The following SEMA5B variants were observed in gnomAD, a reference collection of about 807,000 sequenced individuals.
The protein encoded by SEMA5B is semaphorin-5B.
A neutral mutation model predicts 135.0 loss-of-function variants in SEMA5B; 66 were observed. The observed-to-expected ratio is 0.49, with a 90% CI of 0.40 to 0.60. The LOEUF (loss-of-function observed/expected upper bound fraction) is 0.60, where lower values mean the gene tolerates loss of function less well. Among genes scored for constraint, SEMA5B ranks in the 20% least tolerant of loss-of-function variants. The probability of loss-of-function intolerance (pLI) is 0.00; values close to 1 mark genes in which losing one functional copy is unlikely to be tolerated. For synonymous variants in SEMA5B, 690 were observed against 639.5 expected (o/e 1.08, Z -1.19); for missense variants, 1,501 against 1,566.3 (o/e 0.96, Z 0.70).
intron 2 of SEMA5B, among the ~76,000 whole-genome samples, chr3:122,959,540 TACAA>T (rs1940483178): frequency 1.3e-5 from 2 of 152,008 alleles, no homozygotes; most frequent in African/African-American, 4.8e-5. Flanking sequence ...GTCTTGCTCC[TACAA>T]ACAGAGTAAG....
intron 1 of SEMA5B, among the ~76,000 whole-genome samples, chr3:122,983,767 T>C (rs1365458553): frequency 7.4e-6 from 1 of 135,496 alleles, no homozygotes; most frequent in African/African-American, 2.7e-5. Context: ...GATTGGAGGC[T>C]ACTGATGTTT....
chr3:122,936,481 C>T, intron 5 of SEMA5B, among the ~76,000 whole-genome samples: 1 of 152,108 alleles, frequency 6.6e-6, no homozygotes, highest in Non-Finnish European at 1.5e-5. Context: ...CGAACAAAGC[C>T]CCATTATGCG....
rs182004930 is a variant in SEMA5B, at chr3:123,002,967, T to C, written c.-39+24497A>G. On this transcript the variant is annotated intron_variant, in intron 1 of 22. Transcript: ENST00000357599. The stretch of plus-strand genomic sequence containing the variant: ...TGGGAAGCACTACAAAAAAAATTAC[T>C]AGCATCCATAGTGTGTCATATGTCT... 5.2e-3 allele frequency among the ~76,000 whole-genome samples: 794 copies of C among 152,258 alleles called. 8 individuals carry two copies. The highest frequency in any genetic ancestry group is 0.018 in the African/African-American group (756 of 41,556).
Position 123,024,498 on chromosome 3 carries a change from G to A in SEMA5B, c.-39+2966C>T, listed in dbSNP as rs113840722. 8.5e-3 allele frequency among the ~76,000 whole-genome samples: 1,302 copies of A among 152,324 alleles called. 16 individuals are homozygous for A. The highest frequency in any genetic ancestry group is 0.029 in the African/African-American group (1,199 of 41,568). ...TTGGTTTACACCCACTGGATTCCCA[G>A]TGGGAATGGGGACAGGAGATCTGAA... On this transcript the variant is annotated intron_variant, in intron 1 of 22. Transcript: ENST00000357599.
chr3:122,955,398 A>C (rs1271934599), intron 2 of SEMA5B, among the ~76,000 whole-genome samples: 1 of 152,242 alleles, frequency 6.6e-6, no homozygotes. Flanking sequence ...TGCTATTATT[A>C]TTAGCGAATA....
chr3:122,947,902 T>C (rs1440033460), intron 3 of SEMA5B, among the ~76,000 whole-genome samples: 2 of 116,812 alleles, frequency 1.7e-5, no homozygotes, highest in Non-Finnish European at 3.7e-5. Flanking sequence ...TTTTGTTTTG[T>C]TTTTTTTTAG....
intron 1 of SEMA5B, among the ~76,000 whole-genome samples, chr3:123,016,960 C>G (rs76191855): frequency 6.8e-5 from 10 of 146,666 alleles, no homozygotes; most frequent in South Asian, 2.2e-4. Flanking sequence ...GGCGCGATCT[C>G]GGCTCACTGC....
At chr3:122,963,045 G>A (rs1940655726) in intron 1 of SEMA5B, among the ~76,000 whole-genome samples, 1 of 152,180 alleles carries the variant, frequency 6.6e-6, no homozygotes, top group Non-Finnish European at 1.5e-5. Flanking sequence ...AGTCGTATGT[G>A]TGTCTGTGTT....
intron 1 of SEMA5B, among the ~76,000 whole-genome samples, chr3:122,969,357 T>A (rs1941015061): frequency 6.6e-6 from 1 of 152,196 alleles, no homozygotes; most frequent in South Asian, 2.1e-4. Flanking sequence ...CTCTCCTGGC[T>A]GTGGGGGCAC....
intron 2 of SEMA5B, among the ~76,000 whole-genome samples, chr3:122,953,799 A>G (rs1200121407): frequency 4.6e-5 from 7 of 151,806 alleles, no homozygotes; most frequent in Non-Finnish European, 1.0e-4. Context: ...TGACTTCCCA[A>G]CTCCCAAGAA....
At chr3:122,918,924 G>A (rs537621343) in intron 12 of SEMA5B, among the ~76,000 whole-genome samples, 1 of 151,314 alleles carries the variant, frequency 6.6e-6, no homozygotes, top group African/African-American at 2.4e-5. Flanking sequence ...GTCTCTGACT[G>A]TGGAAATGGG....
At chr3:122,935,195 G>A (rs1227540384) in intron 5 of SEMA5B, among the ~76,000 whole-genome samples, 1 of 152,192 alleles carries the variant, frequency 6.6e-6, no homozygotes, top group Non-Finnish European at 1.5e-5. Context: ...CTTGTAGGGT[G>A]CTGGGTGAGG....
chr3:122,997,518 TC>T (rs1553785271), intron 1 of SEMA5B, among the ~76,000 whole-genome samples: 48 of 142,872 alleles, frequency 3.4e-4, no homozygotes, highest in South Asian at 1.9e-3. Context: ...CCCAGGCCTC[TC>T]CCCCCCCCGT....
At chr3:122,982,571 A>G (rs1941552518) in intron 1 of SEMA5B, among the ~76,000 whole-genome samples, 1 of 152,184 alleles carries the variant, frequency 6.6e-6, no homozygotes, top group South Asian at 2.1e-4. Flanking sequence ...AAAAGCATTC[A>G]ACAGCCAACT....
intron 1 of SEMA5B, among the ~76,000 whole-genome samples, chr3:123,003,849 TA>T: frequency 1.3e-5 from 2 of 151,792 alleles, no homozygotes. Context: ...AATAAATAAA[TA>T]AATAAATAAT....
At position 122,915,529 on chromosome 3, in the gene SEMA5B, C is replaced by T. The variant is rs776595997; in HGVS notation, c.1899G>A (p.Leu633=). The change falls in exon 14 of 23, where the codon CTG becomes CTA. Residue 633 remains leucine (L), a synonymous_variant. Transcript: ENST00000357599. ...HLDGDNSGSC[L]CRARSCDSPR... ...GGGAATCACAGGATCGAGCTCGACA[C>T]AGGCAAGAGCCTGAGTTGTCCCCAT... 4 of 1,614,126 alleles carry T rather than the reference C, an allele frequency of 2.5e-6. No homozygotes were observed. The highest frequency in any genetic ancestry group is 2.2e-5 in the South Asian group (2 of 91,076).
intron 1 of SEMA5B, among the ~76,000 whole-genome samples, chr3:123,019,763 G>A (rs905262383): frequency 6.6e-6 from 1 of 152,178 alleles, no homozygotes; most frequent in Non-Finnish European, 1.5e-5. Flanking sequence ...GGGGCTGGAG[G>A]TACGAAGATG....
At chr3:122,928,344 C>T (rs1938757912) in intron 7 of SEMA5B, among the ~76,000 whole-genome samples, 173 bp downstream of exon 7, 2 of 152,312 alleles carry the variant, frequency 1.3e-5, no homozygotes, top group Admixed American at 1.3e-4. Flanking sequence ...CACATTTATG[C>T]TAAAATATCA....
intron 1 of SEMA5B, among the ~76,000 whole-genome samples, chr3:123,012,423 A>G (rs942370821): frequency 1.3e-5 from 2 of 152,128 alleles, no homozygotes; most frequent in African/African-American, 4.8e-5. Context: ...TAGGTTAAGA[A>G]GATTTCCCCA....
Sources: allele counts gnomAD v4.1 joint callset (sites outside exome capture counted in the v4.1 genomes callset), GRCh38; gene constraint gnomAD v4.1.1; transcripts MANE v1.5; gene names NCBI Gene and HGNC (gene_info 2026-07-23, HGNC 2026-07-21).